The following GPAT4 variants were observed in gnomAD, a reference collection of about 807,000 sequenced individuals.
The protein encoded by GPAT4 is 1-AGP acyltransferase 6.
Under a neutral mutation model 58.0 loss-of-function variants are expected in GPAT4, and 17 were observed. The observed-to-expected ratio is 0.29, with a 90% CI of 0.20 to 0.44. The LOEUF is 0.44. Among genes scored for constraint, GPAT4 ranks in the 20% least tolerant of loss-of-function variants. The pLI, the probability that GPAT4 is intolerant of heterozygous loss-of-function variation, is 1.00. For synonymous variants in GPAT4, 204 were observed against 210.1 expected (o/e 0.97, Z 0.25); for missense variants, 377 against 574.5 (o/e 0.66, Z 3.51).
intron 12 of GPAT4, 97 bp from the exon 13 acceptor site, chr8:41,620,796 T>G: frequency 6.7e-7 from 1 of 1,501,604 alleles, no homozygotes; most frequent in Non-Finnish European, 8.9e-7. Flanking sequence ...TCTGGCAGGT[T>G]TTTCTTGGTG....
At chr8:41,615,170 G>GCGTGGGGCTGGGTTGA (rs1475350163) in intron 10 of GPAT4, 122 bp downstream of exon 10, 1 of 859,858 alleles carries the variant, frequency 1.2e-6, no homozygotes, top group Non-Finnish European at 1.8e-6. Context: ...CAGCAGAGTG[G>GCGTGGGGCTGGGTTGA]CGTGGGGCTG....
intron 2 of GPAT4, among the ~76,000 whole-genome samples, chr8:41,605,863 C>T (rs1400346781): frequency 6.6e-6 from 1 of 152,174 alleles, no homozygotes; most frequent in Non-Finnish European, 1.5e-5. Flanking sequence ...TGATCCACTG[C>T]GCCCAGCCCA....
chr8:41,623,012 A>G lies in GPAT4; in HGVS notation c.*2011A>G, dbSNP rs959811481. ...ATGGTTTGTTACTTTCGTGATTTGC[A>G]TAGGTATTTATATATACACACACAC... On this transcript the variant is annotated 3_prime_UTR_variant, in exon 13 of 13. Transcript: ENST00000396987. 2 of 132,812 alleles carry G rather than the reference A, an allele frequency of 1.5e-5. No individual in the cohort carries two copies. Among genetic ancestry groups the G allele is most frequent in the Admixed American group, 7.5e-5 (1 of 13,274 alleles). 8.2% of individuals were successfully genotyped at this position (132,812 alleles called of 1,614,324 possible). A position where few individuals can be genotyped will look rare whatever the true frequency, so the allele number is the denominator to read the frequency against.
intron 2 of GPAT4, among the ~76,000 whole-genome samples, chr8:41,605,800 G>A (rs1803246627): frequency 6.6e-6 from 1 of 152,296 alleles, no homozygotes; most frequent in African/African-American, 2.4e-5. Context: ...TCAAACTCCT[G>A]ACCTCAAGTG....
chr8:41,599,746 T>C lies in GPAT4; in HGVS notation c.165+442T>C, dbSNP rs534978101. 2.6e-5 allele frequency among the ~76,000 whole-genome samples: 4 copies of C among 152,056 alleles called. No homozygotes were observed. In the South Asian group the frequency reaches 6.2e-4, roughly 24 times the overall value. ...TGGACAGAAAAGGGCATTTGAATTGTTTTATTAAAGGTAGAGGCAAAGGAT... is the reference window on the plus strand; with the variant it reads ...TGGACAGAAAAGGGCATTTGAATTGCTTTATTAAAGGTAGAGGCAAAGGAT... On this transcript the variant is annotated intron_variant, in intron 2 of 12. Coordinates refer to ENST00000396987, the MANE Select transcript of GPAT4 (RefSeq NM_178819.4).
At chr8:41,594,163 A>C (rs563462560) in intron 1 of GPAT4, among the ~76,000 whole-genome samples, 1 of 152,314 alleles carries the variant, frequency 6.6e-6, no homozygotes, top group South Asian at 2.1e-4. Context: ...CTTTAAGAAA[A>C]ACCCATTGTG....
chr8:41,595,837 T>G (rs1441205668), intron 1 of GPAT4, among the ~76,000 whole-genome samples: 1 of 152,020 alleles, frequency 6.6e-6, no homozygotes, highest in African/African-American at 2.4e-5. Context: ...CCTCTCTGTC[T>G]CTTTTCTCTG....
At chr8:41,610,249 A>G (rs1803402681) in intron 4 of GPAT4, 1 of 1,284,168 alleles carries the variant, frequency 7.8e-7, no homozygotes, top group Non-Finnish European at 9.9e-7. Flanking sequence ...CTTCCTGGAC[A>G]TGGCTCATTC....
intron 1 of GPAT4, among the ~76,000 whole-genome samples, chr8:41,597,730 G>A (rs1802970232): frequency 1.3e-5 from 2 of 152,196 alleles, no homozygotes; most frequent in Admixed American, 1.3e-4. Flanking sequence ...CTTTGCACCT[G>A]CAGAGTGAAG....
chr8:41,614,816 T>G, intron 9 of GPAT4, 147 bp from the exon 10 acceptor site: 1 of 682,192 alleles, frequency 1.5e-6, no homozygotes, highest in Non-Finnish European at 2.5e-6. Context: ...GTTAAGTGTT[T>G]GTTTTTAAGT....
At chr8:41,618,224 A>C (rs1028656053) in intron 10 of GPAT4, among the ~76,000 whole-genome samples, 1 of 152,174 alleles carries the variant, frequency 6.6e-6, no homozygotes, top group Non-Finnish European at 1.5e-5. Flanking sequence ...TTGTGTAAGA[A>C]AATATCTTTA....
intron 1 of GPAT4, among the ~76,000 whole-genome samples, chr8:41,596,940 A>G (rs770325823): frequency 6.6e-6 from 1 of 152,202 alleles, no homozygotes; most frequent in Non-Finnish European, 1.5e-5. Context: ...TGAGAGGGTC[A>G]TGATCGATTG....
intron 12 of GPAT4, chr8:41,619,489 A>C (rs1168483577): frequency 5.9e-6 from 1 of 170,320 alleles, no homozygotes; most frequent in Non-Finnish European, 1.3e-5. Flanking sequence ...CTGCCATTGT[A>C]GTGTGAAAAC....
intron 1 of GPAT4, among the ~76,000 whole-genome samples, chr8:41,587,272 C>A (rs2150482407): frequency 6.6e-6 from 1 of 152,318 alleles, no homozygotes; most frequent in East Asian, 1.9e-4. Flanking sequence ...AATGAGAAAG[C>A]ATGCTCCAGC....
chr8:41,613,032 C>G, intron 8 of GPAT4, 72 bp downstream of exon 8: 1 of 1,301,582 alleles, frequency 7.7e-7, no homozygotes, highest in Non-Finnish European at 1.1e-6. Flanking sequence ...AGTTATCCCT[C>G]CACAGTGCAG....
chr8:41,613,356 A>T (rs1803498393), intron 8 of GPAT4, among the ~76,000 whole-genome samples: 1 of 152,172 alleles, frequency 6.6e-6, no homozygotes, highest in African/African-American at 2.4e-5. Flanking sequence ...ATTGCATTCC[A>T]GCCTGGGCGA....
intron 2 of GPAT4, among the ~76,000 whole-genome samples, chr8:41,601,067 T>G (rs1803079888): frequency 6.6e-6 from 1 of 152,182 alleles, no homozygotes; most frequent in Non-Finnish European, 1.5e-5. Context: ...TGAATAGTGC[T>G]GCTGTGGACC....
chr8:41,586,756 G>T (rs1802664660), intron 1 of GPAT4, among the ~76,000 whole-genome samples: 1 of 152,144 alleles, frequency 6.6e-6, no homozygotes, highest in Non-Finnish European at 1.5e-5. Context: ...TAGAGAACTA[G>T]ATGCCTTTTA....
intron 1 of GPAT4, among the ~76,000 whole-genome samples, chr8:41,590,759 C>A (rs1424668614): frequency 6.6e-6 from 1 of 152,174 alleles, no homozygotes. Flanking sequence ...AATAGCATGT[C>A]CTTGTAGACT....
Sources: gnomAD v4.1 joint callset for allele counts (sites outside exome capture counted in the v4.1 genomes callset) on GRCh38, gnomAD v4.1.1 for gene constraint, MANE v1.5 for transcripts, NCBI Gene and HGNC (gene_info 2026-07-23, HGNC 2026-07-21) for gene names.